The following MARK1 variants were observed in gnomAD, a reference collection of about 807,000 sequenced individuals.
MARK1 encodes the protein microtubule affinity regulating kinase 1.
MARK1 carries 40 observed loss-of-function variants against 96.3 expected under a neutral mutation model. The ratio of observed to expected loss-of-function variants is 0.42; its 90% CI spans 0.32 to 0.54. MARK1 has a LOEUF of 0.54. Ranked by LOEUF, MARK1 falls within the 20% of genes least tolerant of loss-of-function variation. The probability of loss-of-function intolerance (pLI) is 0.16; values close to 1 mark genes in which losing one functional copy is unlikely to be tolerated. For synonymous variants in MARK1, 317 were observed against 341.2 expected, an observed-to-expected ratio of 0.93 and a Z score of 0.78; for missense variants, 719 against 984.6, an observed-to-expected ratio of 0.73 and a Z score of 3.61.
chr1:220,543,096 C>T (rs1351903462), intron 1 of MARK1, among the ~76,000 whole-genome samples: 1 of 152,094 alleles, frequency 6.6e-6, no homozygotes, highest in Non-Finnish European at 1.5e-5. Flanking sequence ...ATGGCTCAGG[C>T]AAAGTGGAAA....
At chr1:220,551,768 A>C (rs1199465504) in intron 1 of MARK1, among the ~76,000 whole-genome samples, 1 of 152,232 alleles carries the variant, frequency 6.6e-6, no homozygotes, top group Middle Eastern at 3.2e-3. Flanking sequence ...AAATATTTAT[A>C]AGTATTACAG....
In MARK1 at chr1:220,604,370, C is replaced by T. The variant is rs546624914; in HGVS notation, c.495+233C>T. On this transcript the variant is annotated intron_variant, in intron 6 of 17. Transcript: ENST00000366917. ...AAAGAATAAATATTTATAGATGAGA[C>T]TCACCTTATTAAGACTCTCTGAGAG... 3.6e-4 allele frequency among the ~76,000 whole-genome samples: 55 copies of T among 152,052 alleles called. No homozygotes were observed. In the South Asian group the frequency reaches 7.3e-3, roughly 20 times the overall value.
chr1:220,627,244 G>T, intron 9 of MARK1: 1 of 488,108 alleles, frequency 2.0e-6, no homozygotes, highest in Non-Finnish European at 4.1e-6. Context: ...CAAACGAATT[G>T]CCTGTGAGGA....
intron 11 of MARK1, among the ~76,000 whole-genome samples, chr1:220,633,582 G>A (rs904324390): frequency 1.3e-5 from 2 of 152,178 alleles, no homozygotes; most frequent in African/African-American, 4.8e-5. Context: ...GTATGGTACA[G>A]TATGTGTTCT....
Position 220,634,210 on chromosome 1 carries a change from C to T in MARK1, c.1123-1166C>T, listed in dbSNP as rs570232173. The stretch of plus-strand genomic sequence containing the variant: ...CTACTTAGATTTTAAAGTACACTCC[C>T]GAAGTCTTTAATTTTCCTGTTAATT... On this transcript the variant is annotated intron_variant, in intron 11 of 17. Coordinates refer to ENST00000366917, the MANE Select transcript of MARK1 (RefSeq NM_018650.5). 1.9e-4 allele frequency among the ~76,000 whole-genome samples: 29 copies of T among 152,204 alleles called. 1 individual carries two copies. In the South Asian group the frequency reaches 2.5e-3, roughly 13 times the overall value.
intron 13 of MARK1, among the ~76,000 whole-genome samples, chr1:220,640,685 C>T (rs1423727385): frequency 6.6e-6 from 1 of 152,076 alleles, no homozygotes; most frequent in Admixed American, 6.6e-5. Context: ...TATCAAGATG[C>T]CAACTTCTGG....
rs992271023 is a variant in MARK1, at chr1:220,572,303, G to A, written c.52-7051G>A. 3.9e-5 allele frequency among the ~76,000 whole-genome samples: 6 copies of A among 152,074 alleles called. No homozygotes were observed. In the South Asian group the frequency reaches 1.2e-3, roughly 32 times the overall value. The stretch of plus-strand genomic sequence containing the variant: ...TTTGCCCAGGCTGGAGTACAATGGT[G>A]CGATCTCTGCTCACCACAACCTCTG... On this transcript the variant is annotated intron_variant, in intron 1 of 17. Transcript: ENST00000366917.
intron 5 of MARK1, among the ~76,000 whole-genome samples, chr1:220,601,013 G>T (rs953071757): frequency 6.6e-6 from 1 of 151,682 alleles, no homozygotes; most frequent in Non-Finnish European, 1.5e-5. Flanking sequence ...CGCCTCCCAG[G>T]TTCACTCCAT....
chr1:220,623,822 C>T (rs1296554187), intron 9 of MARK1, among the ~76,000 whole-genome samples: 2 of 152,142 alleles, frequency 1.3e-5, no homozygotes, highest in Non-Finnish European at 2.9e-5. Flanking sequence ...AGGGTGCCTC[C>T]TCACTGTTCC....
At chr1:220,614,604 G>A (rs1356115961) in intron 6 of MARK1, among the ~76,000 whole-genome samples, 2 of 151,528 alleles carry the variant, frequency 1.3e-5, no homozygotes, top group Admixed American at 6.6e-5. Context: ...ATAATACAAG[G>A]TATATAGAGA....
In MARK1 at chr1:220,661,800, C is replaced by T. The variant is rs1412733172; in HGVS notation, c.2034-12C>T. The T allele has an allele frequency of 1.3e-6, 2 of 1,576,556 alleles. No individual in the cohort carries two copies. Among genetic ancestry groups the T allele is most frequent in the Non-Finnish European group, 1.7e-6 (2 of 1,155,338 alleles). ...TTTGCTTTCATTCTTTCCCTTTGCC[C>T]TCTTGTTCCAGAAGTACATCAGGGG... On this transcript the variant is annotated splice_polypyrimidine_tract_variant and intron_variant, in intron 17 of 17. Coordinates refer to ENST00000366917, the MANE Select transcript of MARK1 (RefSeq NM_018650.5).
intron 1 of MARK1, among the ~76,000 whole-genome samples, chr1:220,545,929 A>C (rs1045649065): frequency 6.6e-6 from 1 of 152,016 alleles, no homozygotes; most frequent in Non-Finnish European, 1.5e-5. Context: ...CTGGGCCTGC[A>C]CAACTCCGAA....
chr1:220,552,456 T>A (rs1049245447), intron 1 of MARK1, among the ~76,000 whole-genome samples: 2 of 152,164 alleles, frequency 1.3e-5, no homozygotes, highest in African/African-American at 4.8e-5. Flanking sequence ...CAAGGTGTCG[T>A]TACCCAGCTG....
In MARK1 at chr1:220,658,391, G is replaced by C. The variant is rs192565430; in HGVS notation, c.2033+557G>C. The stretch of plus-strand genomic sequence containing the variant: ...AATTACAGGGAAGGCTTGATAAAAA[G>C]GTTGCTGGATCCCACTCCCAGGGTT... On this transcript the variant is annotated intron_variant, in intron 17 of 17. Coordinates refer to ENST00000366917, the MANE Select transcript of MARK1 (RefSeq NM_018650.5). Among the ~76,000 whole-genome samples the C allele has an allele frequency of 2.1e-3, 322 of 152,252 alleles. 2 individuals carry two copies. Among genetic ancestry groups the C allele is most frequent in the Middle Eastern group, 3.4e-3 (1 of 292 alleles).
At chr1:220,648,524 T>C (rs945867458) in intron 13 of MARK1, among the ~76,000 whole-genome samples, 1 of 152,220 alleles carries the variant, frequency 6.6e-6, no homozygotes, top group Non-Finnish European at 1.5e-5. Context: ...GTCACTGGCA[T>C]TGAAGCCCCA....
At chr1:220,538,200 T>G (rs1173271325) in intron 1 of MARK1, among the ~76,000 whole-genome samples, 1 of 151,960 alleles carries the variant, frequency 6.6e-6, no homozygotes, top group East Asian at 1.9e-4. Context: ...CTAGGGTTTT[T>G]ATGGTTTTAG....
intron 13 of MARK1, among the ~76,000 whole-genome samples, chr1:220,637,883 G>T (rs746093687): frequency 6.6e-6 from 1 of 151,468 alleles, no homozygotes; most frequent in Non-Finnish European, 1.5e-5. Flanking sequence ...ACCAAAATGC[G>T]CAAAATTCCA....
rs1269005094 is a variant in MARK1, at chr1:220,528,654, CTCTTCCCTCTT to C, written c.-166_-156del. On this transcript the variant is annotated 5_prime_UTR_variant, in exon 1 of 18. Transcript: ENST00000366917. ...GCTCCCCCTCCTCTTCCTCCGCGTC[CTCTTCCCTCTT>C]TCCCCCGCCGGGGCCGCTTGTTGCA... 1.9e-6 allele frequency: 1 copy of C among 537,806 alleles called. No homozygotes were observed. The highest frequency in any genetic ancestry group is 3.2e-6 in the Non-Finnish European group (1 of 310,270). The allele number at this position is 537,806 out of a possible 1,614,324, so 33.3% of individuals were successfully genotyped here.
intron 1 of MARK1, among the ~76,000 whole-genome samples, chr1:220,556,299 G>A (rs1031719392): frequency 9.9e-5 from 15 of 152,042 alleles, no homozygotes; most frequent in African/African-American, 3.4e-4. Flanking sequence ...AGTTTAACGG[G>A]GAGACACTTA....
Sources: gnomAD v4.1 joint callset for allele counts (sites outside exome capture counted in the v4.1 genomes callset) on GRCh38, gnomAD v4.1.1 for gene constraint, MANE v1.5 for transcripts, NCBI Gene and HGNC (gene_info 2026-07-23, HGNC 2026-07-21) for gene names.